ANKRD28: variants seen among roughly 807,000 people sequenced by gnomAD.
The protein encoded by ANKRD28 is ankyrin repeat domain 28.
In ANKRD28, 44 loss-of-function variants were observed where a neutral mutation model predicts 126.5. The observed-to-expected ratio is 0.35, with a 90% CI of 0.27 to 0.45. The LOEUF is 0.45. ANKRD28 is among the 20% of genes least tolerant of loss of function. The probability of loss-of-function intolerance (pLI) is 1.00; values close to 1 mark genes in which losing one functional copy is unlikely to be tolerated. For synonymous variants in ANKRD28, 442 were observed against 468.5 expected (o/e 0.94, Z 0.73); for missense variants, 1,110 against 1,316.6 (o/e 0.84, Z 2.43).
Position 15,830,845 on chromosome 3 carries a change from T to C in ANKRD28, c.27+28532A>G, listed in dbSNP as rs1357043978. Among the ~76,000 whole-genome samples the C allele has an allele frequency of 2.0e-5, 3 of 152,126 alleles. No individual in the cohort carries two copies. Among genetic ancestry groups the C allele is most frequent in the South Asian group, 2.1e-4 (1 of 4,822 alleles). Reference sequence around the variant, plus strand: ...AGTCACGGAGTATCAGCTTGACCTCTGGAGGGGATGGAGACTAACATCAGC... The same window carrying C: ...AGTCACGGAGTATCAGCTTGACCTCCGGAGGGGATGGAGACTAACATCAGC... On this transcript the variant is annotated intron_variant, in intron 1 of 27. Transcript: ENST00000399451. This position sits in a 1 kb window ranked among gnomAD's most constrained non-coding sequence, Gnocchi z 4.5.
intron 2 of ANKRD28, among the ~76,000 whole-genome samples, chr3:15,790,879 T>A (rs531106954): frequency 6.6e-6 from 1 of 152,204 alleles, no homozygotes; most frequent in South Asian, 2.1e-4. Flanking sequence ...TAATCTTATA[T>A]TTGGAAAAAC....
chr3:15,713,507 A>G lies in ANKRD28; in HGVS notation c.1190+20T>C. 6.3e-7 allele frequency: 1 copy of G among 1,594,604 alleles called. No homozygotes were observed. Among genetic ancestry groups the G allele is most frequent in the Non-Finnish European group, 8.6e-7 (1 of 1,167,268 alleles). On this transcript the variant is annotated intron_variant, in intron 10 of 27. Coordinates refer to ENST00000683139, the MANE Select transcript of ANKRD28 (RefSeq NM_001349278.2). ...TTGTGCTTGCCTGTATCAGTTATCA[A>G]CACCTCGGTAAGTACTTACTTTGCA...
At chr3:15,803,311 G>A (rs2060502384) in intron 1 of ANKRD28, among the ~76,000 whole-genome samples, 1 of 152,112 alleles carries the variant, frequency 6.6e-6, no homozygotes, top group South Asian at 2.1e-4. Flanking sequence ...GATCATATAG[G>A]TGGAGAGACA....
At chr3:15,809,535 A>T (rs1188336783) in intron 1 of ANKRD28, among the ~76,000 whole-genome samples, 3 of 152,154 alleles carry the variant, frequency 2.0e-5, no homozygotes, top group Admixed American at 6.5e-5. Flanking sequence ...GCTATCAGAG[A>T]AAAATACTCT....
intron 6 of ANKRD28, among the ~76,000 whole-genome samples, chr3:15,727,587 A>AAAAGAAAG (rs1185467395): frequency 5.4e-5 from 6 of 110,370 alleles, no homozygotes; most frequent in African/African-American, 1.8e-4. Flanking sequence ...AAAAAAAAAA[A>AAAAGAAAG]AAAGAAAGAA....
Position 15,696,620 on chromosome 3 carries a change from T to C in ANKRD28, c.1548-375A>G, listed in dbSNP as rs551960607. Among the ~76,000 whole-genome samples, 36 of 152,216 alleles carry C rather than the reference T, an allele frequency of 2.4e-4. 1 individual carries two copies. In the South Asian group the frequency reaches 7.3e-3, roughly 31 times the overall value. On this transcript the variant is annotated intron_variant, in intron 14 of 27. Transcript: ENST00000683139. ...TACATAATATTGGCAATATTACTAT[T>C]TATCTATCTAGAACACAGAATGAGT...
intron 1 of ANKRD28, among the ~76,000 whole-genome samples, chr3:15,813,189 A>C (rs536346028): frequency 1.3e-5 from 2 of 151,904 alleles, no homozygotes; most frequent in Non-Finnish European, 2.9e-5. Flanking sequence ...AACATGGTAC[A>C]ACCCCATCTC....
chr3:15,706,792 T>A (rs895796741), intron 14 of ANKRD28, among the ~76,000 whole-genome samples: 3 of 152,222 alleles, frequency 2.0e-5, no homozygotes, highest in Non-Finnish European at 4.4e-5. Flanking sequence ...CTAACTGGTG[T>A]GAGATGGTAT....
chr3:15,807,633 G>C (rs2060613044), intron 1 of ANKRD28, among the ~76,000 whole-genome samples: 1 of 152,048 alleles, frequency 6.6e-6, no homozygotes, highest in African/African-American at 2.4e-5. Context: ...ACTACCACTA[G>C]AGCAATGAAA....
chr3:15,784,383 G>A (rs1439733338), intron 2 of ANKRD28, among the ~76,000 whole-genome samples: 1 of 151,926 alleles, frequency 6.6e-6, no homozygotes, highest in African/African-American at 2.4e-5. Context: ...ATGATAAGGA[G>A]GAATTAGGAT....
rs1029649411 is a variant in ANKRD28 at position 15,786,509 on chromosome 3, T to C, written c.201+8714A>G. ...TTTCCAAGGGGCAAATGGAGTCCTT[T>C]GGGAGCCATAGAAATGTTAACTATC... On this transcript the variant is annotated intron_variant, in intron 2 of 27. Coordinates refer to ENST00000683139, the MANE Select transcript of ANKRD28 (RefSeq NM_001349278.2). Among the ~76,000 whole-genome samples the C allele has an allele frequency of 1.7e-3, 259 of 152,070 alleles. 4 individuals are homozygous for C. The highest frequency in any genetic ancestry group is 6.3e-4 in the Non-Finnish European group (43 of 67,980).
chr3:15,777,849 T>TACACAC (rs569761948), intron 2 of ANKRD28, among the ~76,000 whole-genome samples: 13,009 of 105,936 alleles, frequency 0.12, 1,208 homozygotes, highest in Non-Finnish European at 0.16. Context: ...AAAACCAAAC[T>TACACAC]ACACACACAC....
rs2061706033 is a variant in ANKRD28, at chr3:15,853,897, T to C, written c.27+5480A>G. 6.6e-6 allele frequency among the ~76,000 whole-genome samples: 1 copy of C among 152,214 alleles called. No homozygotes were observed. Among genetic ancestry groups the C allele is most frequent in the Admixed American group, 6.5e-5 (1 of 15,288 alleles). On this transcript the variant is annotated intron_variant, in intron 1 of 27. Transcript: ENST00000399451. The surrounding 1 kb of genome is among the most constrained non-coding windows in gnomAD (Gnocchi z 4.2). The stretch of plus-strand genomic sequence containing the variant: ...ATTGTAGATACAAACAGGTCATTAA[T>C]ATAGCTATGAGAAATATTTTAAGAT...
intron 1 of ANKRD28, among the ~76,000 whole-genome samples, chr3:15,858,662 G>C (rs964813235): frequency 6.6e-6 from 1 of 152,134 alleles, no homozygotes; most frequent in Non-Finnish European, 1.5e-5. Context: ...TAAAAGAGGG[G>C]GAAAATGTTT....
chr3:15,734,357 C>A (rs181681868), intron 6 of ANKRD28, among the ~76,000 whole-genome samples: 73 of 152,264 alleles, frequency 4.8e-4, no homozygotes, highest in Middle Eastern at 3.4e-3. Flanking sequence ...TAGGCTATGG[C>A]TCTTAGAAAA....
chr3:15,823,206 C>G (rs1314975865), intron 1 of ANKRD28, among the ~76,000 whole-genome samples: 1 of 152,170 alleles, frequency 6.6e-6, no homozygotes, highest in Non-Finnish European at 1.5e-5. Flanking sequence ...CAACCTAGAT[C>G]TCTTGCATGC....
At chr3:15,690,669 A>T (rs1028193233) in intron 17 of ANKRD28, among the ~76,000 whole-genome samples, 1 of 152,062 alleles carries the variant, frequency 6.6e-6, no homozygotes, top group Non-Finnish European at 1.5e-5. Flanking sequence ...GGCTTAAGTG[A>T]TCCTCCCACC....
Position 15,846,458 on chromosome 3 carries a change from C to G in ANKRD28, c.27+12919G>C, listed in dbSNP as rs954489784. On this transcript the variant is annotated intron_variant, in intron 1 of 27. Coordinates refer to the ANKRD28 transcript ENST00000399451. The surrounding 1 kb of genome is among the most constrained non-coding windows in gnomAD (Gnocchi z 5.4). ...CTGTGGCTCTGCAGGGTAAAGCCCC[C>G]GAGGCTGCTTTCACAAACACAATAT... Among the ~76,000 whole-genome samples, 13 of 152,176 alleles carry G rather than the reference C, an allele frequency of 8.5e-5. No homozygotes were observed. The highest frequency in any genetic ancestry group is 2.2e-4 in the African/African-American group (9 of 41,414).
intron 9 of ANKRD28, 63 bp downstream of exon 9, chr3:15,714,515 G>A (rs1196899052): frequency 9.0e-7 from 1 of 1,108,582 alleles, no homozygotes; most frequent in Non-Finnish European, 1.2e-6. Flanking sequence ...TTTGGTGGAT[G>A]TTTTTACTAC....
Sources: gnomAD v4.1 joint callset for allele counts (sites outside exome capture counted in the v4.1 genomes callset) on GRCh38, gnomAD v4.1.1 for gene constraint, Gnocchi (gnomAD v3.1) non-coding constraint, MANE v1.5 for transcripts, NCBI Gene and HGNC (gene_info 2026-07-23, HGNC 2026-07-21) for gene names.